COPS7A: variants seen among roughly 807,000 people sequenced by gnomAD.
COPS7A encodes COP9 signalosome complex subunit 7a.
Under a neutral mutation model 35.2 loss-of-function variants are expected in COPS7A, and 20 were observed. The ratio of observed to expected loss-of-function variants is 0.57; its 90% CI spans 0.40 to 0.83. The LOEUF (loss-of-function observed/expected upper bound fraction) is 0.83, where lower values mean the gene tolerates loss of function less well. Ranked by LOEUF, COPS7A falls within the 40% of genes least tolerant of loss-of-function variation. COPS7A has a pLI of 0.00. For synonymous variants in COPS7A, 139 were observed against 141.4 expected, an observed-to-expected ratio of 0.98 and a Z score of 0.12; for missense variants, 247 against 347.5, an observed-to-expected ratio of 0.71 and a Z score of 2.30.
chr12:6,731,228 T>C lies in COPS7A; in HGVS notation c.*189T>C. ...AGGCAAATGTAGGTCATGTTTTTGT[T>C]GGTACTTTCTGTTTTTTGTGACTTC... On this transcript the variant is annotated 3_prime_UTR_variant, in exon 8 of 8. Coordinates refer to ENST00000543155, the MANE Select transcript of COPS7A (RefSeq NM_001164094.2). 9 of 1,472,962 alleles carry C rather than the reference T, an allele frequency of 6.1e-6. No individual in the cohort carries two copies. Among genetic ancestry groups the C allele is most frequent in the Non-Finnish European group, 7.2e-6 (8 of 1,112,942 alleles). The allele number at this position is 1,472,962 out of a possible 1,614,324, so 91.2% of individuals were successfully genotyped here. A position where few individuals can be genotyped will look rare whatever the true frequency, so the allele number is the denominator to read the frequency against.
chr12:6,724,877 A>T, intron 2 of COPS7A, 59 bp downstream of exon 2: 1 of 1,567,156 alleles, frequency 6.4e-7, no homozygotes, highest in South Asian at 1.1e-5. Context: ...GAATTTGAGA[A>T]TGGGTGGGCA....
chr12:6,728,362 C>T (rs2137753620), intron 4 of COPS7A, 51 bp downstream of exon 4: 2 of 1,505,196 alleles, frequency 1.3e-6, no homozygotes. Flanking sequence ...TTTGTATGTC[C>T]TTGGGAGTCC....
chr12:6,724,491 C>T, intron 1 of COPS7A, 123 bp from the exon 2 acceptor site: 1 of 822,354 alleles, frequency 1.2e-6, no homozygotes, highest in Admixed American at 1.9e-5. Context: ...TTTTAGACCG[C>T]TCCATGTCTG....
chr12:6,729,163 C>G lies in COPS7A; in HGVS notation c.328-84C>G, dbSNP rs558311205. On this transcript the variant is annotated intron_variant, in intron 4 of 7. Transcript: ENST00000543155. The surrounding 1 kb of genome is among the most constrained non-coding windows in gnomAD (Gnocchi z 4.2). ...GGAGTGGAGGGCAGGTGGGCTAGGGCAGGGGGAAAAGGAGGGAAGATTTTT... is the reference window on the plus strand; with the variant it reads ...GGAGTGGAGGGCAGGTGGGCTAGGGGAGGGGGAAAAGGAGGGAAGATTTTT... 1.5e-4 allele frequency: 217 copies of G among 1,420,890 alleles called. No homozygotes were observed. The Admixed American group carries it at 3.6e-3, about 24-fold the overall frequency. 88.0% of individuals were successfully genotyped at this position (1,420,890 alleles called of 1,614,324 possible).
rs762321124 is a variant in COPS7A at position 6,730,659 on chromosome 12, A to G, written c.637-10A>G. 8.1e-6 allele frequency: 13 copies of G among 1,613,984 alleles called. No homozygotes were observed. In the East Asian group the frequency reaches 2.9e-4, roughly 36 times the overall value. On this transcript the variant is annotated splice_polypyrimidine_tract_variant and intron_variant, in intron 6 of 7. Coordinates refer to ENST00000543155, the MANE Select transcript of COPS7A (RefSeq NM_001164094.2). ...CTTCCTTGCTATCCCCATTCCTTTCATCCTGGTAGGTTGCCAACCTTAAAA... is the reference window on the plus strand; with the variant it reads ...CTTCCTTGCTATCCCCATTCCTTTCGTCCTGGTAGGTTGCCAACCTTAAAA...
At chr12:6,730,960 T>TTC (rs367598603) in intron 7 of COPS7A, 40 bp from the exon 8 acceptor site, 230 of 1,507,562 alleles carry the variant, frequency 1.5e-4, no homozygotes, top group South Asian at 5.6e-4. Flanking sequence ...ATTCCCTGCA[T>TTC]TCTCTCTCTC....
Position 6,729,157 on chromosome 12 carries a change from C to CTAGG in COPS7A, c.328-89_328-86dup. 1 of 1,354,258 alleles carries CTAGG rather than the reference C, an allele frequency of 7.4e-7. No individual in the cohort carries two copies. The highest frequency in any genetic ancestry group is 1.2e-5 in the South Asian group (1 of 83,358). The allele number at this position is 1,354,258 out of a possible 1,614,324, so 83.9% of individuals were successfully genotyped here. ...GGAATGGGAGTGGAGGGCAGGTGGG[C>CTAGG]TAGGGCAGGGGGAAAAGGAGGGAAG... On this transcript the variant is annotated intron_variant, in intron 4 of 7. Coordinates refer to ENST00000543155, the MANE Select transcript of COPS7A (RefSeq NM_001164094.2). The surrounding 1 kb of genome is among the most constrained non-coding windows in gnomAD (Gnocchi z 4.2).
intron 5 of COPS7A, 54 bp from the exon 6 acceptor site, chr12:6,730,348 A>G: frequency 1.9e-6 from 3 of 1,551,246 alleles, no homozygotes; most frequent in Non-Finnish European, 2.7e-6. Context: ...GTTTTCTGTG[A>G]GTCTGTGATC....
intron 2 of COPS7A, chr12:6,725,795 T>C: frequency 2.2e-6 from 1 of 456,198 alleles, no homozygotes; most frequent in Non-Finnish European, 4.4e-6. Flanking sequence ...TTGGGGCCTG[T>C]GGTTTAACCT....
rs1436308113 is a variant in COPS7A at position 6,727,955 on chromosome 12, C to G, written c.192C>G (p.Phe64Leu). ...ELAESDFAST[F>L]RLLTVFAYGT... ...CTGAGAGTGACTTTGCCTCTACCTT[C>G]CGGCTGCTCACAGTGTTTGCTTATG... Residue 64 changes from phenylalanine (F) to leucine (L), a missense_variant, in exon 3 of 8, where the codon TTC becomes TTG. Transcript: ENST00000543155. 6.2e-7 allele frequency: 1 copy of G among 1,614,188 alleles called. No homozygotes were observed.
chr12:6,724,489 C>T (rs1941199203), intron 1 of COPS7A, 125 bp from the exon 2 acceptor site: 7 of 798,268 alleles, frequency 8.8e-6, no homozygotes, highest in African/African-American at 1.7e-5. Flanking sequence ...AATTTTAGAC[C>T]GCTCCATGTC....
At position 6,730,449 on chromosome 12, in the gene COPS7A, G is replaced by C. The variant is rs368792700; in HGVS notation, c.578G>C (p.Ser193Thr). ...CTGTCAGGCATTGAGGAGCAGGTGAGCCGTGCCAACCAACACAAGGAGCAG... is the reference window on the plus strand; with the variant it reads ...CTGTCAGGCATTGAGGAGCAGGTGACCCGTGCCAACCAACACAAGGAGCAG... ...VVLSGIEEQVSRANQHKEQQL... is the reference protein window; with the variant it reads ...VVLSGIEEQVTRANQHKEQQL... Residue 193 changes from serine (S) to threonine (T), a missense_variant, in exon 6 of 8, where the codon AGC (serine) becomes ACC (threonine). Coordinates refer to ENST00000543155, the MANE Select transcript of COPS7A (RefSeq NM_001164094.2). 6.8e-6 allele frequency: 11 copies of C among 1,614,140 alleles called. No homozygotes were observed. The highest frequency in any genetic ancestry group is 4.0e-5 in the African/African-American group (3 of 75,052).
chr12:6,729,380 T>C lies in COPS7A; in HGVS notation c.461T>C (p.Val154Ala). 1 of 1,614,062 alleles carries C rather than the reference T, an allele frequency of 6.2e-7. No homozygotes were observed. The highest frequency in any genetic ancestry group is 1.1e-5 in the South Asian group (1 of 91,070). Reference protein sequence around the residue: ...SLDQRNQRLEVDYSIGRDIQR... With the variant: ...SLDQRNQRLEADYSIGRDIQR... ...GACCAGCGCAACCAGCGGCTCGAGGTTGACTACAGCATCGGGCGGGACATC... is the reference window on the plus strand; with the variant it reads ...GACCAGCGCAACCAGCGGCTCGAGGCTGACTACAGCATCGGGCGGGACATC... The change falls in exon 5 of 8, where the codon GTT becomes GCT. Residue 154 changes from valine to alanine, a missense_variant. Val to Ala is a moderately conservative substitution (Grantham distance 64). Coordinates refer to ENST00000543155, the MANE Select transcript of COPS7A (RefSeq NM_001164094.2). The surrounding 1 kb of genome is among the most constrained non-coding windows in gnomAD (Gnocchi z 4.2).
At chr12:6,728,064 C>G in intron 3 of COPS7A, 63 bp downstream of exon 3, 1 of 1,556,608 alleles carries the variant, frequency 6.4e-7, no homozygotes, top group East Asian at 2.2e-5. Context: ...TCTGGAGGGA[C>G]TCAGAAGAAA....
In COPS7A at chr12:6,730,662, C is replaced by T; in HGVS notation, c.637-7C>T. 1.2e-6 allele frequency: 2 copies of T among 1,614,138 alleles called. No individual in the cohort carries two copies. Among genetic ancestry groups the T allele is most frequent in the South Asian group, 1.1e-5 (1 of 91,078 alleles). ...CCTTGCTATCCCCATTCCTTTCATC[C>T]TGGTAGGTTGCCAACCTTAAAAAAA... On this transcript the variant is annotated splice_region_variant and splice_polypyrimidine_tract_variant and intron_variant, in intron 6 of 7. Transcript: ENST00000543155.
At chr12:6,726,610 A>AT (rs1555106271) in intron 2 of COPS7A, among the ~76,000 whole-genome samples, 6 of 138,820 alleles carry the variant, frequency 4.3e-5, no homozygotes, top group African/African-American at 1.6e-4. Flanking sequence ...CTCAAAAAAA[A>AT]AAATAAATAA....
intron 2 of COPS7A, chr12:6,725,694 A>G: frequency 2.2e-6 from 1 of 456,150 alleles, no homozygotes; most frequent in Non-Finnish European, 4.4e-6. Context: ...AACCGTTCAC[A>G]CAAAAGTGGC....
chr12:6,730,130 C>G (rs1007099032), intron 5 of COPS7A, among the ~76,000 whole-genome samples: 4 of 152,318 alleles, frequency 2.6e-5, no homozygotes, highest in Middle Eastern at 3.4e-3. Flanking sequence ...CACCCTCCAC[C>G]TCAGTCTCTT....
chr12:6,731,422 C>A lies in COPS7A; in HGVS notation c.*383C>A. 1.1e-6 allele frequency: 1 copy of A among 905,424 alleles called. No individual in the cohort carries two copies. The highest frequency in any genetic ancestry group is 1.5e-6 in the Non-Finnish European group (1 of 668,394). 56.1% of individuals were successfully genotyped at this position (905,424 alleles called of 1,614,324 possible). ...TTTTCTGCCACCCCATCCCTGCATG[C>A]CTGATCCCCAGTTCCTATACCCTAC... is the stretch of plus-strand genomic sequence containing the variant. On this transcript the variant is annotated 3_prime_UTR_variant, in exon 8 of 8. Transcript: ENST00000543155.
Sources: allele counts gnomAD v4.1 joint callset (sites outside exome capture counted in the v4.1 genomes callset), GRCh38; gene constraint gnomAD v4.1.1; non-coding constraint Gnocchi (gnomAD v3.1); transcripts MANE v1.5; gene names NCBI Gene and HGNC (gene_info 2026-07-23, HGNC 2026-07-21).